NCBP3: variants seen among roughly 807,000 people sequenced by gnomAD.
The protein encoded by NCBP3 is nuclear cap binding subunit 3.
Under a neutral mutation model 75.7 loss-of-function variants are expected in NCBP3, and 20 were observed. The ratio of observed to expected loss-of-function variants is 0.26; its 90% CI spans 0.19 to 0.38. The LOEUF (loss-of-function observed/expected upper bound fraction) is 0.38. Among genes scored for constraint, NCBP3 ranks in the 10% least tolerant of loss-of-function variants. The pLI, the probability that NCBP3 is intolerant of heterozygous loss-of-function variation, is 1.00. For synonymous variants in NCBP3, 293 were observed against 290.5 expected (o/e 1.01, Z -0.09); for missense variants, 678 against 796.9 (o/e 0.85, Z 1.80).
At chr17:3,817,370 C>T (rs1255177737) in intron 10 of NCBP3, among the ~76,000 whole-genome samples, 2 of 152,070 alleles carry the variant, frequency 1.3e-5, no homozygotes, top group Non-Finnish European at 2.9e-5. Context: ...GTGGCTCATG[C>T]CTGTAATCCC....
chr17:3,813,613 A>C (rs1342202336), intron 12 of NCBP3, among the ~76,000 whole-genome samples: 1 of 152,198 alleles, frequency 6.6e-6, no homozygotes, highest in African/African-American at 2.4e-5. Context: ...GTGCCAATCC[A>C]TTCTGCCAGA....
At chr17:3,819,980 T>A (rs2053631993) in intron 9 of NCBP3, among the ~76,000 whole-genome samples, 2 of 152,248 alleles carry the variant, frequency 1.3e-5, no homozygotes, top group Middle Eastern at 3.2e-3. Flanking sequence ...TGAGACAAAG[T>A]CTTGCTCTGT....
chr17:3,817,870 T>G (rs889668791), intron 10 of NCBP3, among the ~76,000 whole-genome samples: 2 of 151,966 alleles, frequency 1.3e-5, no homozygotes, highest in Non-Finnish European at 2.9e-5. Context: ...ATATATTAAG[T>G]GAAAAATGCA....
At chr17:3,842,792 T>A (rs2054088907) in intron 2 of NCBP3, among the ~76,000 whole-genome samples, 1 of 152,126 alleles carries the variant, frequency 6.6e-6, no homozygotes, top group African/African-American at 2.4e-5. Flanking sequence ...ACTACAGACC[T>A]GTGCTACCAC....
Position 3,818,859 on chromosome 17 carries a change from G to C in NCBP3, c.1001-287C>G, listed in dbSNP as rs146021167. ...ATTTGCAAATTTACCAAATTTATTT[G>C]TAACTCCAAAATGAATACGTGCAAT... On this transcript the variant is annotated intron_variant, in intron 9 of 12. Transcript: ENST00000389005. This position sits in a 1 kb window ranked among gnomAD's most constrained non-coding sequence, Gnocchi z 4.7. Among the ~76,000 whole-genome samples, 33 of 152,200 alleles carry C rather than the reference G, an allele frequency of 2.2e-4. 1 individual carries two copies. Among genetic ancestry groups the C allele is most frequent in the African/African-American group, 8.0e-4 (33 of 41,508 alleles).
rs749080595 is a variant in NCBP3 at position 3,814,499 on chromosome 17, A to G, written c.1466-16T>C. The G allele has an allele frequency of 6.2e-7, 1 of 1,613,488 alleles. No homozygotes were observed. Among genetic ancestry groups the G allele is most frequent in the Non-Finnish European group, 8.5e-7 (1 of 1,179,830 alleles). On this transcript the variant is annotated splice_polypyrimidine_tract_variant and intron_variant, in intron 11 of 12. Transcript: ENST00000389005. ...TGGCGTATATCTGAAAAAAGAGAAA[A>G]AGTGCACCAGTGACCGTGTGTGTGC...
chr17:3,830,142 T>C (rs1597406172), intron 3 of NCBP3, among the ~76,000 whole-genome samples: 1 of 152,096 alleles, frequency 6.6e-6, no homozygotes, highest in African/African-American at 2.4e-5. Flanking sequence ...AATGGAAGGG[T>C]CTGCAGAAAA....
At chr17:3,821,703 G>A (rs2053668855) in intron 8 of NCBP3, among the ~76,000 whole-genome samples, 3 of 152,272 alleles carry the variant, frequency 2.0e-5, no homozygotes, top group East Asian at 1.9e-4. Context: ...GATTACAGGC[G>A]TGAGCCACCA....
intron 3 of NCBP3, among the ~76,000 whole-genome samples, chr17:3,837,749 A>G (rs2054000041): frequency 6.6e-6 from 1 of 151,180 alleles, no homozygotes. Flanking sequence ...AAAAAAAAAA[A>G]AGAAAAGAAA....
chr17:3,842,386 C>T (rs1195578062), intron 2 of NCBP3, among the ~76,000 whole-genome samples: 1 of 152,176 alleles, frequency 6.6e-6, no homozygotes, highest in Middle Eastern at 3.2e-3. Context: ...GATCGCACCA[C>T]TGCACTCCAG....
At chr17:3,839,461 C>T (rs1026040403) in intron 3 of NCBP3, among the ~76,000 whole-genome samples, 6 of 152,164 alleles carry the variant, frequency 3.9e-5, no homozygotes, top group Non-Finnish European at 7.3e-5. Context: ...GATTCTCACG[C>T]CTCAGCCTCC....
At position 3,806,885 on chromosome 17, in the gene NCBP3, TA is replaced by T. The variant is rs1446106695; in HGVS notation, c.*6158del. 5 of 152,212 alleles carry T rather than the reference TA, an allele frequency of 3.3e-5. No individual in the cohort carries two copies. The highest frequency in any genetic ancestry group is 1.2e-4 in the African/African-American group (5 of 41,456). The allele number at this position is 152,212 out of a possible 1,614,324, so 9.4% of individuals were successfully genotyped here. Reference sequence around the variant, plus strand: ...AAAAGCATTCTCTTCTTTCAGTTCGTAAAAGAAAAACATGGTTTAACTTCTA... The same window carrying T: ...AAAAGCATTCTCTTCTTTCAGTTCGTAAAGAAAAACATGGTTTAACTTCTA... On this transcript the variant is annotated 3_prime_UTR_variant, in exon 13 of 13. Coordinates refer to ENST00000389005, the MANE Select transcript of NCBP3 (RefSeq NM_001114118.3).
intron 6 of NCBP3, among the ~76,000 whole-genome samples, chr17:3,825,366 G>A (rs888823672): frequency 6.6e-6 from 1 of 152,112 alleles, no homozygotes; most frequent in Non-Finnish European, 1.5e-5. Flanking sequence ...ACTTTGTTTT[G>A]CTTGAAGCTA....
At chr17:3,816,397 T>A in intron 10 of NCBP3, 127 bp from the exon 11 acceptor site, 1 of 780,086 alleles carries the variant, frequency 1.3e-6, no homozygotes, top group East Asian at 2.7e-5. Context: ...AACATTCACT[T>A]ACAAATCCAT....
intron 3 of NCBP3, among the ~76,000 whole-genome samples, chr17:3,833,402 C>T (rs1243821377): frequency 2.0e-5 from 3 of 152,182 alleles, no homozygotes; most frequent in Non-Finnish European, 2.9e-5. Context: ...CACCACTGCA[C>T]CCAGCGCCTG....
At chr17:3,832,741 A>G (rs2053906725) in intron 3 of NCBP3, among the ~76,000 whole-genome samples, 1 of 152,156 alleles carries the variant, frequency 6.6e-6, no homozygotes, top group African/African-American at 2.4e-5. Context: ...TTTTTAGCCC[A>G]TCCTTCTTCT....
At chr17:3,845,701 C>A (rs1444002655) in intron 1 of NCBP3, among the ~76,000 whole-genome samples, 1 of 152,180 alleles carries the variant, frequency 6.6e-6, no homozygotes, top group Non-Finnish European at 1.5e-5. Flanking sequence ...TGTTCCCGCC[C>A]AGGGCTCCCC....
intron 3 of NCBP3, among the ~76,000 whole-genome samples, chr17:3,832,053 A>G (rs2053887093): frequency 8.4e-6 from 1 of 119,594 alleles, no homozygotes. Context: ...GTGTGGTGGC[A>G]TGTGCCTGTA....
At chr17:3,843,493 C>G (rs1362698701) in intron 1 of NCBP3, among the ~76,000 whole-genome samples, 1 of 152,192 alleles carries the variant, frequency 6.6e-6, no homozygotes, top group Non-Finnish European at 1.5e-5. Context: ...CTCAGTCTCC[C>G]AAAGTGTTAG....
Sources: allele counts gnomAD v4.1 joint callset (sites outside exome capture counted in the v4.1 genomes callset), GRCh38; gene constraint gnomAD v4.1.1; non-coding constraint Gnocchi (gnomAD v3.1); transcripts MANE v1.5; gene names NCBI Gene and HGNC (gene_info 2026-07-23, HGNC 2026-07-21).